The following GSK3B variants were observed in gnomAD, a reference collection of about 807,000 sequenced individuals.
GSK3B encodes glycogen synthase kinase 3 beta.
GSK3B carries 15 observed loss-of-function variants against 56.4 expected under a neutral mutation model. The observed-to-expected ratio is 0.27, with a 90% CI of 0.18 to 0.41. The LOEUF (loss-of-function observed/expected upper bound fraction) is 0.41. Among genes scored for constraint, GSK3B ranks in the 10% least tolerant of loss-of-function variants. GSK3B has a pLI of 1.00. For synonymous variants in GSK3B, 181 were observed against 188.9 expected (o/e 0.96, Z 0.34); for missense variants, 300 against 513.4 (o/e 0.58, Z 4.02).
At chr3:119,836,292 C>G (rs2055688662) in intron 10 of GSK3B, among the ~76,000 whole-genome samples, 1 of 152,004 alleles carries the variant, frequency 6.6e-6, no homozygotes, top group South Asian at 2.1e-4. Flanking sequence ...GCTTTTCAAA[C>G]CAAGATGAAG....
chr3:120,075,222 C>T (rs369579257), intron 1 of GSK3B, among the ~76,000 whole-genome samples: 20 of 152,274 alleles, frequency 1.3e-4, no homozygotes, highest in South Asian at 8.3e-4. Context: ...ATATAGAAGG[C>T]AAGTTCCTCA....
intron 1 of GSK3B, among the ~76,000 whole-genome samples, chr3:120,078,644 T>TG (rs1226572925): frequency 6.6e-6 from 1 of 151,022 alleles, no homozygotes; most frequent in Non-Finnish European, 1.5e-5. Context: ...CCTCTGCCTC[T>TG]GGGGTTCAAG....
chr3:120,021,616 G>A (rs1237698179), intron 1 of GSK3B, among the ~76,000 whole-genome samples: 1 of 151,490 alleles, frequency 6.6e-6, no homozygotes, highest in East Asian at 1.9e-4. Flanking sequence ...AAACTTCAGT[G>A]GAGGAAGTCA....
chr3:119,912,836 A>C, intron 5 of GSK3B, 26 bp from the exon 6 acceptor site: 3 of 1,220,568 alleles, frequency 2.5e-6, no homozygotes, highest in Non-Finnish European at 3.6e-6. Context: ...TAAAAATAAA[A>C]AGCAGAAATT....
intron 2 of GSK3B, among the ~76,000 whole-genome samples, chr3:119,980,102 C>G (rs555923409): frequency 6.6e-6 from 1 of 152,248 alleles, no homozygotes; most frequent in African/African-American, 2.4e-5. Context: ...CCTAAGAAAA[C>G]TAAGCACTTA....
At chr3:120,087,846 G>A (rs1286359849) in intron 1 of GSK3B, among the ~76,000 whole-genome samples, 1 of 151,846 alleles carries the variant, frequency 6.6e-6, no homozygotes, top group African/African-American at 2.4e-5. Flanking sequence ...AAGCAAAAAT[G>A]GTAAGGGGGA....
intron 1 of GSK3B, among the ~76,000 whole-genome samples, chr3:120,076,023 G>C (rs2058364554): frequency 6.6e-6 from 1 of 152,044 alleles, no homozygotes; most frequent in African/African-American, 2.4e-5. Context: ...CATAAAAACA[G>C]ACACACAGAC....
At chr3:120,029,030 T>TA (rs2057953559) in intron 1 of GSK3B, 1 of 656,246 alleles carries the variant, frequency 1.5e-6, no homozygotes, top group Non-Finnish European at 2.8e-6. Context: ...GGGACTCTCA[T>TA]AAAATCTTTA....
chr3:120,012,612 A>G (rs1467953208), intron 1 of GSK3B, among the ~76,000 whole-genome samples: 1 of 152,242 alleles, frequency 6.6e-6, no homozygotes, highest in Non-Finnish European at 1.5e-5. Flanking sequence ...TAGACCCCTC[A>G]TGACGCAATG....
chr3:119,944,618 T>C (rs1259166727), intron 3 of GSK3B, among the ~76,000 whole-genome samples: 1 of 152,020 alleles, frequency 6.6e-6, no homozygotes, highest in Non-Finnish European at 1.5e-5. Flanking sequence ...CCCACCAAGC[T>C]CCACATGGCT....
intron 4 of GSK3B, among the ~76,000 whole-genome samples, chr3:119,918,067 C>T (rs936923641): frequency 6.6e-6 from 1 of 151,968 alleles, no homozygotes; most frequent in Non-Finnish European, 1.5e-5. Flanking sequence ...TGCTCAATAT[C>T]ACACACACAC....
At chr3:120,081,123 C>A (rs2058415618) in intron 1 of GSK3B, among the ~76,000 whole-genome samples, 1 of 152,124 alleles carries the variant, frequency 6.6e-6, no homozygotes, top group African/African-American at 2.4e-5. Flanking sequence ...TGCAACCTAG[C>A]ACCCAAGTCC....
intron 4 of GSK3B, among the ~76,000 whole-genome samples, chr3:119,919,504 G>A (rs999049847): frequency 7.0e-6 from 1 of 142,962 alleles, no homozygotes. Context: ...CTCTGAAAGC[G>A]CTGTGGTTAC....
At chr3:120,058,800 A>C (rs755765034) in intron 1 of GSK3B, among the ~76,000 whole-genome samples, 2 of 152,136 alleles carry the variant, frequency 1.3e-5, no homozygotes, top group South Asian at 4.1e-4. Flanking sequence ...ACCTGAGCTC[A>C]GGAGTTCAAG....
intron 1 of GSK3B, among the ~76,000 whole-genome samples, chr3:120,061,009 T>C (rs1213653489): frequency 6.6e-6 from 1 of 152,206 alleles, no homozygotes; most frequent in Non-Finnish European, 1.5e-5. Context: ...CTTTAGATGC[T>C]TAACCTTAAC....
At chr3:119,920,855 G>C (rs1336898717) in intron 4 of GSK3B, among the ~76,000 whole-genome samples, 1 of 152,170 alleles carries the variant, frequency 6.6e-6, no homozygotes, top group East Asian at 1.9e-4. Context: ...TGGAAAAAAA[G>C]AAGATGCATT....
intron 7 of GSK3B, among the ~76,000 whole-genome samples, chr3:119,887,881 A>G (rs975730999): frequency 6.6e-6 from 1 of 152,166 alleles, no homozygotes; most frequent in African/African-American, 2.4e-5. Flanking sequence ...CAGGGTATAT[A>G]CAGGGTATCA....
intron 2 of GSK3B, among the ~76,000 whole-genome samples, chr3:119,995,572 C>A (rs144160202): frequency 6.6e-6 from 1 of 151,164 alleles, no homozygotes; most frequent in Non-Finnish European, 1.5e-5. Flanking sequence ...TCAAGTGATT[C>A]TCCTGCCTCA....
chr3:119,983,718 G>A (rs1451779556), intron 2 of GSK3B, among the ~76,000 whole-genome samples: 1 of 152,122 alleles, frequency 6.6e-6, no homozygotes, highest in Admixed American at 6.5e-5. Context: ...CAAGTCCTTG[G>A]AGACCTACAA....
Sources: gnomAD v4.1 joint callset for allele counts (sites outside exome capture counted in the v4.1 genomes callset) on GRCh38, gnomAD v4.1.1 for gene constraint, MANE v1.5 for transcripts, NCBI Gene and HGNC (gene_info 2026-07-23, HGNC 2026-07-21) for gene names.